Variants in DENND2B observed in about 807,000 individuals in gnomAD.
DENND2B encodes the protein DENN domain-containing protein 2B.
In DENND2B, 32 loss-of-function variants were observed where a neutral mutation model predicts 116.0. That is an observed-to-expected ratio of 0.28 (90% confidence interval 0.21 to 0.37). The LOEUF is 0.37. DENND2B is among the 10% of genes least tolerant of loss of function. The probability of loss-of-function intolerance (pLI) is 1.00; values close to 1 mark genes in which losing one functional copy is unlikely to be tolerated. For missense variants in DENND2B, 1,276 were observed against 1,477.7 expected (o/e 0.86, Z 2.24); for synonymous variants, 588 against 583.9 (o/e 1.01, Z -0.10).
intron 1 of DENND2B, among the ~76,000 whole-genome samples, chr11:8,764,473 G>C (rs2055258998): frequency 6.6e-6 from 1 of 152,174 alleles, no homozygotes; most frequent in Non-Finnish European, 1.5e-5. Context: ...TCCATTTTAT[G>C]GATGAAGAAG....
chr11:8,850,397 G>A (rs925168380), intron 3 of DENND2B, among the ~76,000 whole-genome samples: 7 of 152,030 alleles, frequency 4.6e-5, no homozygotes, highest in South Asian at 2.1e-4. Flanking sequence ...CTGAACAGAC[G>A]TTTTTCAGAA....
rs1253775128 is a variant in DENND2B at position 8,730,505 on chromosome 11, C to T, written c.785G>A (p.Arg262Gln). 2 of 1,612,510 alleles carry T rather than the reference C, an allele frequency of 1.2e-6. No individual in the cohort carries two copies. Among genetic ancestry groups the T allele is most frequent in the East Asian group, 2.2e-5 (1 of 44,858 alleles). ...SFYRLEKRLG[R>Q]SEPSAFLRGH... ...CCTGAGGAAGGCGCTGGGCTCACTC[C>T]GGCCCAGCCGTTTCTCCAGCCGGTA... The change falls in exon 3 of 20, where the codon CGG (arginine) becomes CAG (glutamine). Residue 262 changes from arginine (R) to glutamine (Q), a missense_variant. Coordinates refer to ENST00000313726, the MANE Select transcript of DENND2B (RefSeq NM_213618.2). This position sits in a 1 kb window ranked among gnomAD's most constrained non-coding sequence, Gnocchi z 4.1.
intron 1 of DENND2B, among the ~76,000 whole-genome samples, chr11:8,767,983 A>T (rs1233191208): frequency 1.3e-5 from 2 of 152,124 alleles, no homozygotes; most frequent in Non-Finnish European, 2.9e-5. Context: ...ACTCATCTAT[A>T]CCAAGGGGAG....
intron 1 of DENND2B, among the ~76,000 whole-genome samples, chr11:8,773,249 C>T (rs1210326401): frequency 2.0e-5 from 3 of 152,018 alleles, no homozygotes; most frequent in Non-Finnish European, 4.4e-5. Flanking sequence ...CTCCTGCCTA[C>T]AGCCAGCCAG....
At chr11:8,756,587 C>G (rs1400337395) in intron 1 of DENND2B, among the ~76,000 whole-genome samples, 1 of 152,208 alleles carries the variant, frequency 6.6e-6, no homozygotes, top group Non-Finnish European at 1.5e-5. Context: ...ACCAACTGCT[C>G]TCTCTGGGCC....
At chr11:8,820,785 G>C (rs2061730634) in intron 4 of DENND2B, among the ~76,000 whole-genome samples, 1 of 152,134 alleles carries the variant, frequency 6.6e-6, no homozygotes, top group Non-Finnish European at 1.5e-5. Context: ...ATGGCCCTTG[G>C]TCTGAAAAAC....
intron 1 of DENND2B, among the ~76,000 whole-genome samples, chr11:8,781,683 CCA>C (rs1261806630): frequency 2.0e-5 from 3 of 151,284 alleles, no homozygotes; most frequent in Non-Finnish European, 4.4e-5. Context: ...AAAAGATAAG[CCA>C]CAGACAGGAA....
At chr11:8,876,937 T>A (rs1268530270) in intron 2 of DENND2B, among the ~76,000 whole-genome samples, 1 of 149,130 alleles carries the variant, frequency 6.7e-6, no homozygotes, top group Non-Finnish European at 1.5e-5. Flanking sequence ...GCTTGACTGC[T>A]GATGCTGGGC....
At chr11:8,862,262 A>T (rs1415983851) in intron 2 of DENND2B, among the ~76,000 whole-genome samples, 1 of 151,942 alleles carries the variant, frequency 6.6e-6, no homozygotes, top group Non-Finnish European at 1.5e-5. Flanking sequence ...TCAAGTGATA[A>T]GGGTTTCCAA....
intron 17 of DENND2B, among the ~76,000 whole-genome samples, chr11:8,697,136 G>T (rs1395217255): frequency 1.3e-5 from 2 of 152,208 alleles, no homozygotes; most frequent in Non-Finnish European, 2.9e-5. Context: ...CAGAAACTAT[G>T]TTCTGAACAT....
chr11:8,694,765 A>G, intron 19 of DENND2B: 1 of 361,020 alleles, frequency 2.8e-6, no homozygotes, highest in Non-Finnish European at 5.4e-6. Flanking sequence ...AATACAGTAT[A>G]ATATCTATTT....
At chr11:8,752,589 G>A (rs148680922) in intron 1 of DENND2B, among the ~76,000 whole-genome samples, 1 of 152,160 alleles carries the variant, frequency 6.6e-6, no homozygotes, top group African/African-American at 2.4e-5. Context: ...GAAATTGAGA[G>A]CTAGAAGTGC....
At chr11:8,804,544 C>CTTTTT (rs1555200406) in intron 1 of DENND2B, among the ~76,000 whole-genome samples, 1 of 25,346 alleles carries the variant, frequency 3.9e-5, no homozygotes, top group African/African-American at 8.8e-5. Context: ...ATAGCAGCTA[C>CTTTTT]TTCTTTTTTT....
intron 3 of DENND2B, among the ~76,000 whole-genome samples, chr11:8,855,193 G>A (rs2063151591): frequency 6.6e-6 from 1 of 151,400 alleles, no homozygotes. Context: ...AGGGAAGGGA[G>A]GGGGAGGGAA....
intron 2 of DENND2B, among the ~76,000 whole-genome samples, chr11:8,880,346 T>TGGGG (rs375977198): frequency 6.6e-4 from 4 of 6,088 alleles, no homozygotes; most frequent in South Asian, 0.014. Context: ...CACTTTGAAC[T>TGGGG]GTGTGTGTGT....
chr11:8,736,490 G>A (rs1030410541), intron 2 of DENND2B, among the ~76,000 whole-genome samples: 1 of 152,180 alleles, frequency 6.6e-6, no homozygotes, highest in African/African-American at 2.4e-5. Flanking sequence ...TATCAACTCT[G>A]TGAGACGGTT....
At chr11:8,855,479 A>C (rs1309522393) in intron 3 of DENND2B, among the ~76,000 whole-genome samples, 1 of 151,372 alleles carries the variant, frequency 6.6e-6, no homozygotes, top group Non-Finnish European at 1.5e-5. Flanking sequence ...CATCTGCATC[A>C]TTCATTCTAA....
rs1399758534 is a variant in DENND2B, at chr11:8,905,869, G to A, written c.-256+4952C>T. ...AGAATGAAGTATTGATACATGCTACGACATGTGTGAGCCTCAAAAACATTA... is the reference window on the plus strand; with the variant it reads ...AGAATGAAGTATTGATACATGCTACAACATGTGTGAGCCTCAAAAACATTA... On this transcript the variant is annotated intron_variant, in intron 1 of 22. Coordinates refer to the DENND2B transcript ENST00000534127. Among the ~76,000 whole-genome samples, 5 of 151,780 alleles carry A rather than the reference G, an allele frequency of 3.3e-5. No individual in the cohort carries two copies. In the East Asian group the frequency reaches 9.7e-4, roughly 29 times the overall value.
chr11:8,731,237 G>T (rs375888687), intron 2 of DENND2B, 28 bp from the exon 3 acceptor site: 286 of 1,457,676 alleles, frequency 2.0e-4, no homozygotes, highest in Non-Finnish European at 2.5e-4. Context: ...CAAAGGAAAA[G>T]AAAAGAAAAT....
Sources: gnomAD v4.1 joint callset for allele counts (sites outside exome capture counted in the v4.1 genomes callset) on GRCh38, gnomAD v4.1.1 for gene constraint, Gnocchi (gnomAD v3.1) non-coding constraint, MANE v1.5 for transcripts, NCBI Gene and HGNC (gene_info 2026-07-23, HGNC 2026-07-21) for gene names.